Variants in HDAC4 observed in about 807,000 individuals in gnomAD.
The protein encoded by HDAC4 is histone deacetylase 4, also known as histone deacetylase A.
In HDAC4, 16 loss-of-function variants were observed where a neutral mutation model predicts 135.1. That is an observed-to-expected ratio of 0.12 (90% CI 0.08 to 0.18). The LOEUF is 0.18. Ranked by LOEUF, HDAC4 falls within the 10% of genes least tolerant of loss-of-function variation. The pLI, the probability that HDAC4 is intolerant of heterozygous loss-of-function variation, is 1.00. For missense variants in HDAC4, 1,143 were observed against 1,511.8 expected, an observed-to-expected ratio of 0.76 and a Z score of 4.05; for synonymous variants, 685 against 653.4, an observed-to-expected ratio of 1.05 and a Z score of -0.74.
At chr2:239,217,252 G>T (rs1056442982) in intron 3 of HDAC4, among the ~76,000 whole-genome samples, 1 of 152,124 alleles carries the variant, frequency 6.6e-6, no homozygotes, top group Non-Finnish European at 1.5e-5. Context: ...CAAGAGGCCC[G>T]TCGACTCCCC....
chr2:239,332,803 A>G (rs1301179034), intron 2 of HDAC4, among the ~76,000 whole-genome samples: 4 of 152,032 alleles, frequency 2.6e-5, no homozygotes, highest in Non-Finnish European at 4.4e-5. Flanking sequence ...AAATATTAAT[A>G]TAATAAATAA....
chr2:239,190,236 C>T (rs2044841812), intron 3 of HDAC4, among the ~76,000 whole-genome samples, 159 bp from the exon 4 acceptor site: 1 of 151,922 alleles, frequency 6.6e-6, no homozygotes. Context: ...CCCTCTTGCC[C>T]AACAAACTCA....
At chr2:239,319,853 T>A (rs1240973253) in intron 2 of HDAC4, among the ~76,000 whole-genome samples, 1 of 152,140 alleles carries the variant, frequency 6.6e-6, no homozygotes, top group East Asian at 1.9e-4. Context: ...AACATAAAAC[T>A]AAAATCATAT....
At chr2:239,382,885 T>C (rs1695518247) in intron 1 of HDAC4, among the ~76,000 whole-genome samples, 1 of 152,132 alleles carries the variant, frequency 6.6e-6, no homozygotes, top group African/African-American at 2.4e-5. Context: ...CCACCACGAC[T>C]GGCTAACTTT....
chr2:239,353,049 G>C (rs1693264325), intron 1 of HDAC4, 131 bp from the exon 2 acceptor site: 1 of 325,580 alleles, frequency 3.1e-6, no homozygotes, highest in South Asian at 2.9e-5. Flanking sequence ...TATCGCCCAG[G>C]CTGGAGTGTG....
At chr2:239,217,813 G>A (rs1261672335) in intron 3 of HDAC4, among the ~76,000 whole-genome samples, 5 of 152,214 alleles carry the variant, frequency 3.3e-5, no homozygotes, top group Admixed American at 2.0e-4. Context: ...ACAGGGTCGG[G>A]CACAACAGCT....
intron 1 of HDAC4, among the ~76,000 whole-genome samples, chr2:239,388,416 G>T (rs979007591): frequency 3.3e-5 from 5 of 152,228 alleles, no homozygotes; most frequent in Non-Finnish European, 7.3e-5. Context: ...GACTATCTGG[G>T]CCCGGGCCAC....
At chr2:239,208,262 G>C (rs1452130601) in intron 3 of HDAC4, among the ~76,000 whole-genome samples, 1 of 143,524 alleles carries the variant, frequency 7.0e-6, no homozygotes, top group Non-Finnish European at 1.5e-5. Context: ...GGGAGGCGGA[G>C]CCTGCAGTGA....
chr2:239,140,178 T>A (rs371241757), intron 8 of HDAC4, among the ~76,000 whole-genome samples: 1 of 152,188 alleles, frequency 6.6e-6, no homozygotes, highest in South Asian at 2.1e-4. Flanking sequence ...GTGCTCACTA[T>A]AAAAAGCTTA....
At chr2:239,132,655 G>T (rs1453484030) in intron 11 of HDAC4, among the ~76,000 whole-genome samples, 1 of 152,226 alleles carries the variant, frequency 6.6e-6, no homozygotes, top group Non-Finnish European at 1.5e-5. Context: ...GCGTTTCTCA[G>T]AGAGGTGAGA....
At chr2:239,259,697 A>C (rs1020091271) in intron 2 of HDAC4, among the ~76,000 whole-genome samples, 3 of 152,224 alleles carry the variant, frequency 2.0e-5, no homozygotes, top group Non-Finnish European at 2.9e-5. Flanking sequence ...CAGAAAAGAG[A>C]TATAGACCGA....
intron 1 of HDAC4, among the ~76,000 whole-genome samples, chr2:239,359,158 T>C (rs1045248610): frequency 6.6e-6 from 1 of 152,234 alleles, no homozygotes; most frequent in Non-Finnish European, 1.5e-5. Flanking sequence ...TTTTATATTA[T>C]GAAAACTTCA....
intron 2 of HDAC4, among the ~76,000 whole-genome samples, chr2:239,256,349 C>A (rs1264568701): frequency 1.3e-5 from 2 of 152,176 alleles, no homozygotes; most frequent in Non-Finnish European, 2.9e-5. Flanking sequence ...ATAGTTTTGA[C>A]TAAGGAAAAA....
chr2:239,263,609 C>T (rs567983352), intron 2 of HDAC4, among the ~76,000 whole-genome samples: 1 of 152,310 alleles, frequency 6.6e-6, no homozygotes, highest in South Asian at 2.1e-4. Context: ...CACACAGCAG[C>T]ATCTTCATGC....
chr2:239,230,462 C>G (rs957219371), intron 3 of HDAC4, among the ~76,000 whole-genome samples: 1 of 151,602 alleles, frequency 6.6e-6, no homozygotes, highest in Non-Finnish European at 1.5e-5. Flanking sequence ...TGGCAAGCTG[C>G]CGAGTCCGTG....
intron 24 of HDAC4, among the ~76,000 whole-genome samples, chr2:239,065,795 C>T (rs973604082): frequency 2.6e-5 from 4 of 152,336 alleles, no homozygotes; most frequent in Non-Finnish European, 4.4e-5. Context: ...GGCTGTTCTC[C>T]GGACCTGCAC....
At chr2:239,119,882 GCAGAGGCTGGCA>G (rs922314153) in intron 12 of HDAC4, among the ~76,000 whole-genome samples, 2 of 152,202 alleles carry the variant, frequency 1.3e-5, no homozygotes, top group South Asian at 4.1e-4. Flanking sequence ...GCAGGGCCGG[GCAGAGGCTGGCA>G]CAGAGGCTGG....
In HDAC4 at chr2:239,262,641, A is replaced by G. The variant is rs887475518; in HGVS notation, c.23-25977T>C. Among the ~76,000 whole-genome samples, 4 of 152,156 alleles carry G rather than the reference A, an allele frequency of 2.6e-5. No homozygotes were observed. The highest frequency in any genetic ancestry group is 5.9e-5 in the Non-Finnish European group (4 of 68,030). On this transcript the variant is annotated intron_variant, in intron 2 of 26. Coordinates refer to ENST00000543185, the MANE Select transcript of HDAC4 (RefSeq NM_001378414.1). The surrounding 1 kb of genome is among the most constrained non-coding windows in gnomAD (Gnocchi z 4.1). ...TCCATTTTCTGGGCAAGAGTGTGGG[A>G]CCAACGAGACCTGGGCTAGTGCAGG...
chr2:239,142,842 C>G (rs1275921891), intron 8 of HDAC4, among the ~76,000 whole-genome samples: 21 of 139,190 alleles, frequency 1.5e-4, no homozygotes, highest in Non-Finnish European at 2.6e-4. Context: ...ACACATGACT[C>G]CTGGGTGAGC....
Sources: allele counts gnomAD v4.1 joint callset (sites outside exome capture counted in the v4.1 genomes callset), GRCh38; gene constraint gnomAD v4.1.1; non-coding constraint Gnocchi (gnomAD v3.1); transcripts MANE v1.5; gene names NCBI Gene and HGNC (gene_info 2026-07-23, HGNC 2026-07-21).